Variants in SPTLC2 observed in about 807,000 individuals in gnomAD.
SPTLC2 encodes the protein serine palmitoyltransferase long chain base subunit 2.
Under a neutral mutation model 62.0 loss-of-function variants are expected in SPTLC2, and 21 were observed. That is an observed-to-expected ratio of 0.34 (90% CI 0.24 to 0.49). The LOEUF (loss-of-function observed/expected upper bound fraction) is 0.49. Ranked by LOEUF, SPTLC2 falls within the 20% of genes least tolerant of loss-of-function variation. The pLI is 0.99. For synonymous variants in SPTLC2, 261 were observed against 261.8 expected (o/e 1.00, Z 0.03); for missense variants, 511 against 713.0 (o/e 0.72, Z 3.23).
chr14:77,586,004 G>A (rs921100078), intron 2 of SPTLC2, among the ~76,000 whole-genome samples: 1 of 151,934 alleles, frequency 6.6e-6, no homozygotes, highest in Non-Finnish European at 1.5e-5. Flanking sequence ...CAGCCAAGGT[G>A]GAAAAGTGTG....
chr14:77,532,275 T>C (rs987713806), intron 9 of SPTLC2, among the ~76,000 whole-genome samples: 3 of 152,196 alleles, frequency 2.0e-5, no homozygotes, highest in Admixed American at 6.5e-5. Flanking sequence ...GGCCTTCCCT[T>C]CTTTCCCTTT....
chr14:77,607,782 C>T (rs965795764), intron 1 of SPTLC2, among the ~76,000 whole-genome samples: 5 of 152,156 alleles, frequency 3.3e-5, no homozygotes, highest in African/African-American at 1.2e-4. Flanking sequence ...TGAGGTTTCG[C>T]ACCAACTAAT....
intron 1 of SPTLC2, among the ~76,000 whole-genome samples, chr14:77,598,431 G>GAGATCAAA (rs1295040834): frequency 6.6e-6 from 1 of 152,034 alleles, no homozygotes; most frequent in Non-Finnish European, 1.5e-5. Context: ...TACAGATGAA[G>GAGATCAAA]AGATCAAAAG....
intron 10 of SPTLC2, among the ~76,000 whole-genome samples, chr14:77,519,348 T>C (rs1006447115): frequency 6.6e-6 from 1 of 152,190 alleles, no homozygotes; most frequent in Non-Finnish European, 1.5e-5. Flanking sequence ...ATTATGTTGC[T>C]TTTTGTCTTT....
intron 2 of SPTLC2, among the ~76,000 whole-genome samples, chr14:77,583,238 T>TAAATAAATAAAAAAAA (rs1397782318): frequency 7.1e-6 from 1 of 140,248 alleles, no homozygotes; most frequent in African/African-American, 2.7e-5. Context: ...AATAAATAAA[T>TAAATAAATAAAAAAAA]AAAAATAATA....
rs1232783447 is a variant in SPTLC2, at chr14:77,552,217, C to T, written c.1182G>A (p.Leu394=). 2.5e-6 allele frequency: 4 copies of T among 1,613,962 alleles called. No homozygotes were observed. Among genetic ancestry groups the T allele is most frequent in the Non-Finnish European group, 3.4e-6 (4 of 1,179,998 alleles). ...SGGYIGGKKE[L]IDYLRTHSHS... ...GAGAATGTGTTCGCAGGTAGTCTAT[C>T]AGCTCCTGGGGAGTTCACAGAGGCA... is the stretch of plus-strand genomic sequence containing the variant. The change falls in exon 9 of 12, where the codon CTG becomes CTA. Residue 394 remains leucine, a synonymous_variant. Coordinates refer to ENST00000216484, the MANE Select transcript of SPTLC2 (RefSeq NM_004863.4).
intron 5 of SPTLC2, among the ~76,000 whole-genome samples, chr14:77,568,722 G>A (rs1475917613): frequency 6.6e-6 from 1 of 151,430 alleles, no homozygotes; most frequent in Non-Finnish European, 1.5e-5. Context: ...GCAGGAGAAT[G>A]GCGTGAACCC....
intron 11 of SPTLC2, among the ~76,000 whole-genome samples, chr14:77,517,808 G>T (rs2079366418): frequency 6.6e-6 from 1 of 152,110 alleles, no homozygotes; most frequent in Non-Finnish European, 1.5e-5. Context: ...AGTCCATAGT[G>T]AGGGAGACAG....
At chr14:77,564,206 T>C (rs1594992213) in intron 5 of SPTLC2, among the ~76,000 whole-genome samples, 1 of 120,800 alleles carries the variant, frequency 8.3e-6, no homozygotes, top group African/African-American at 3.2e-5. Context: ...CACTCCAGCC[T>C]GGGCAACAGA....
intron 9 of SPTLC2, among the ~76,000 whole-genome samples, chr14:77,526,345 C>G (rs1022152521): frequency 7.9e-5 from 12 of 152,154 alleles, no homozygotes; most frequent in Non-Finnish European, 1.6e-4. Flanking sequence ...AAGTTTAGCA[C>G]TGTTTAAAAA....
intron 2 of SPTLC2, among the ~76,000 whole-genome samples, chr14:77,590,943 C>G (rs2079812569): frequency 6.6e-6 from 1 of 152,102 alleles, no homozygotes; most frequent in Non-Finnish European, 1.5e-5. Context: ...GAAACTCTTG[C>G]AAACCTAACA....
At chr14:77,604,061 G>C (rs1037863484) in intron 1 of SPTLC2, among the ~76,000 whole-genome samples, 1 of 152,168 alleles carries the variant, frequency 6.6e-6, no homozygotes, top group East Asian at 1.9e-4. Flanking sequence ...GAGGCAATCC[G>C]GTTTGTGTCA....
At chr14:77,603,612 T>C (rs2079889500) in intron 1 of SPTLC2, among the ~76,000 whole-genome samples, 1 of 152,206 alleles carries the variant, frequency 6.6e-6, no homozygotes, top group South Asian at 2.1e-4. Flanking sequence ...ATAAATTCCT[T>C]AGTTTTTGTC....
At chr14:77,538,191 T>C (rs2079480770) in intron 9 of SPTLC2, among the ~76,000 whole-genome samples, 1 of 152,222 alleles carries the variant, frequency 6.6e-6, no homozygotes, top group Admixed American at 6.5e-5. Flanking sequence ...GAGGTTTTCC[T>C]TTATTCTCCA....
At chr14:77,535,985 C>A (rs2079467963) in intron 9 of SPTLC2, 1 of 454,678 alleles carries the variant, frequency 2.2e-6, no homozygotes, top group Non-Finnish European at 4.4e-6. Flanking sequence ...TGGACAACTT[C>A]ATGAATAGTG....
At chr14:77,549,711 A>G (rs1231807430) in intron 9 of SPTLC2, among the ~76,000 whole-genome samples, 1 of 152,152 alleles carries the variant, frequency 6.6e-6, no homozygotes, top group Admixed American at 6.5e-5. Context: ...TCACATCACT[A>G]AGCTTTGGGG....
chr14:77,603,724 A>C (rs538255367), intron 1 of SPTLC2, among the ~76,000 whole-genome samples: 1 of 152,298 alleles, frequency 6.6e-6, no homozygotes, highest in South Asian at 2.1e-4. Context: ...AAACCCCCAA[A>C]AGGAGATCTT....
intron 9 of SPTLC2, among the ~76,000 whole-genome samples, chr14:77,538,230 C>T (rs1344705051): frequency 6.6e-6 from 1 of 152,166 alleles, no homozygotes; most frequent in Non-Finnish European, 1.5e-5. Flanking sequence ...ATCACATCAC[C>T]CAGTAATTAT....
chr14:77,522,401 G>C (rs542334324), intron 9 of SPTLC2, among the ~76,000 whole-genome samples: 24 of 152,282 alleles, frequency 1.6e-4, no homozygotes, highest in Admixed American at 1.3e-3. Flanking sequence ...AACCTCAAGT[G>C]ATCTACCCAC....
Sources: allele counts gnomAD v4.1 joint callset (sites outside exome capture counted in the v4.1 genomes callset), GRCh38; gene constraint gnomAD v4.1.1; transcripts MANE v1.5; gene names NCBI Gene and HGNC (gene_info 2026-07-23, HGNC 2026-07-21).